CCDC141: variants seen among roughly 807,000 people sequenced by gnomAD.
CCDC141 encodes coiled-coil domain containing 141.
CCDC141 carries 168 observed loss-of-function variants against 181.0 expected under a neutral mutation model. The ratio of observed to expected loss-of-function variants is 0.93; its 90% CI spans 0.82 to 1.05. The LOEUF is 1.05. Ranked by LOEUF, CCDC141 falls within the 50% of genes least tolerant of loss-of-function variation. The pLI is 0.00. For synonymous variants in CCDC141, 666 were observed against 642.3 expected (o/e 1.04, Z -0.56); for missense variants, 1,902 against 1,788.5 (o/e 1.06, Z -1.14).
chr2:179,017,644 T>TA (rs902229708), intron 2 of CCDC141, among the ~76,000 whole-genome samples: 2 of 152,116 alleles, frequency 1.3e-5, no homozygotes, highest in African/African-American at 4.8e-5. Flanking sequence ...TTGCAAAGTA[T>TA]AAAAAAATCA....
intron 2 of CCDC141, among the ~76,000 whole-genome samples, chr2:178,981,667 T>TTAC (rs1559024752): frequency 2.0e-4 from 20 of 102,178 alleles, no homozygotes; most frequent in Middle Eastern, 5.4e-3. Context: ...TACATACATA[T>TTAC]ATACATATAT....
At chr2:178,902,810 T>C (rs1028072415) in intron 8 of CCDC141, among the ~76,000 whole-genome samples, 5 of 148,952 alleles carry the variant, frequency 3.4e-5, no homozygotes, top group African/African-American at 1.2e-4. Flanking sequence ...ACCATCAGAG[T>C]GAACAGGCAA....
At chr2:179,021,534 T>C (rs1448684324) in intron 2 of CCDC141, among the ~76,000 whole-genome samples, 2 of 152,188 alleles carry the variant, frequency 1.3e-5, no homozygotes, top group South Asian at 4.2e-4. Flanking sequence ...CCTCAGTGAA[T>C]TGAGAATTCT....
At chr2:178,952,703 C>G (rs1397891114) in intron 5 of CCDC141, among the ~76,000 whole-genome samples, 1 of 151,766 alleles carries the variant, frequency 6.6e-6, no homozygotes, top group Admixed American at 6.5e-5. Context: ...CTAGAGATAG[C>G]CTATATACCA....
intron 2 of CCDC141, among the ~76,000 whole-genome samples, chr2:178,994,539 G>A (rs1050704136): frequency 6.6e-6 from 1 of 152,188 alleles, no homozygotes; most frequent in African/African-American, 2.4e-5. Flanking sequence ...CCTGTGATGG[G>A]AGGGGCTGCT....
intron 6 of CCDC141, among the ~76,000 whole-genome samples, chr2:178,935,086 G>A (rs532482766): frequency 2.0e-5 from 3 of 152,134 alleles, no homozygotes; most frequent in South Asian, 2.1e-4. Flanking sequence ...TTTTGGAGTC[G>A]CTACTAAAAT....
chr2:179,015,551 CATATCTCATATATATCTCAT>C (rs2042479851), intron 2 of CCDC141, among the ~76,000 whole-genome samples: 1 of 32,380 alleles, frequency 3.1e-5, no homozygotes, highest in African/African-American at 8.2e-5. Flanking sequence ...ATATATATCT[CATATCTCATATATATCTCAT>C]ATATCTCATA....
chr2:178,963,377 A>G (rs1690488660), intron 4 of CCDC141, among the ~76,000 whole-genome samples: 1 of 152,146 alleles, frequency 6.6e-6, no homozygotes, highest in Non-Finnish European at 1.5e-5. Context: ...AAATGCTAGG[A>G]CAGTATCTCG....
intron 2 of CCDC141, among the ~76,000 whole-genome samples, chr2:179,044,378 A>G (rs767455820): frequency 6.6e-6 from 1 of 152,220 alleles, no homozygotes; most frequent in Non-Finnish European, 1.5e-5. Flanking sequence ...ATGATGCTGG[A>G]GGCATCACTC....
chr2:178,916,477 T>A (rs1688451953), intron 7 of CCDC141, among the ~76,000 whole-genome samples: 1 of 151,760 alleles, frequency 6.6e-6, no homozygotes. Context: ...TTGAGTAGAT[T>A]TACACGACAT....
intron 4 of CCDC141, among the ~76,000 whole-genome samples, chr2:178,968,454 C>G (rs1212650882): frequency 1.3e-5 from 2 of 152,134 alleles, no homozygotes; most frequent in African/African-American, 4.8e-5. Context: ...CGCACAACTA[C>G]ATGGAAACTG....
chr2:178,831,099 T>C lies in CCDC141; in HGVS notation c.*3074A>G, dbSNP rs1285738065. On this transcript the variant is annotated 3_prime_UTR_variant, in exon 24 of 24. Coordinates refer to ENST00000443758, the MANE Select transcript of CCDC141 (RefSeq NM_173648.4). ...TATGAGTGATAGAGGTTACCATTATTGATTAATATAGCTAAAAAATTTTCT... is the reference window on the plus strand; with the variant it reads ...TATGAGTGATAGAGGTTACCATTATCGATTAATATAGCTAAAAAATTTTCT... 1 of 152,162 alleles carries C rather than the reference T, an allele frequency of 6.6e-6. No homozygotes were observed. The highest frequency in any genetic ancestry group is 1.5e-5 in the Non-Finnish European group (1 of 68,032). The allele number at this position is 152,162 out of a possible 1,614,324, so 9.4% of individuals were successfully genotyped here.
chr2:178,828,097 C>A (rs528783923), downstream of CCDC141, among the ~76,000 whole-genome samples: 8 of 152,156 alleles, frequency 5.3e-5, no homozygotes, highest in South Asian at 1.7e-3. Context: ...TTTAAAGACA[C>A]CAGGAAATGG....
intron 10 of CCDC141, among the ~76,000 whole-genome samples, chr2:178,886,071 T>C (rs1028741937): frequency 7.2e-5 from 11 of 152,052 alleles, no homozygotes; most frequent in Admixed American, 6.6e-4. Flanking sequence ...AAAATGGGTG[T>C]GTTTGTGAGT....
At chr2:179,011,496 A>C (rs777198175) in intron 2 of CCDC141, among the ~76,000 whole-genome samples, 18 of 152,198 alleles carry the variant, frequency 1.2e-4, no homozygotes, top group Non-Finnish European at 2.2e-4. Flanking sequence ...GACCTAAAAA[A>C]TGTGACAGAC....
Position 179,022,762 on chromosome 2 carries a change from A to G in CCDC141, c.225+24522T>C, listed in dbSNP as rs138453464. On this transcript the variant is annotated intron_variant, in intron 2 of 23. Transcript: ENST00000443758. ...CATCATATATTTCTGGAGGCCAAGA[A>G]TGCCTTTTACATTTTGTGTGTGTGT... Among the ~76,000 whole-genome samples, 708 of 152,276 alleles carry G rather than the reference A, an allele frequency of 4.6e-3. 5 individuals carry two copies. Among genetic ancestry groups the G allele is most frequent in the African/African-American group, 0.016 (680 of 41,556 alleles).
the CCDC141 span, among the ~76,000 whole-genome samples, chr2:178,815,599 G>C: frequency 6.6e-6 from 1 of 152,096 alleles, no homozygotes; most frequent in Non-Finnish European, 1.5e-5. Context: ...TTGGCTCCAG[G>C]ACCCCCTAAC....
chr2:178,868,205 G>A lies in CCDC141; in HGVS notation c.2395C>T (p.Leu799=), dbSNP rs991207800. Residue 799 remains leucine, a splice_region_variant and synonymous_variant, in exon 16 of 24, where the codon CTG becomes TTG. Transcript: ENST00000443758. ...TCTCTTGATTTGATGAGACGTCCCA[G>A]CTACAATTTAGGGCATTAACAATTA... ...VVQFHQVKEE[L]GRLIKSRELE... is the part of the protein sequence containing the mutation. The A allele has an allele frequency of 1.9e-6, 3 of 1,604,706 alleles. No homozygotes were observed. Among genetic ancestry groups the A allele is most frequent in the Admixed American group, 3.3e-5 (2 of 59,890 alleles).
At chr2:178,917,370 T>C (rs1688498591) in intron 7 of CCDC141, among the ~76,000 whole-genome samples, 1 of 152,334 alleles carries the variant, frequency 6.6e-6, no homozygotes, top group South Asian at 2.1e-4. Context: ...AATAAATCTT[T>C]CTTTAACATT....
Sources: allele counts gnomAD v4.1 joint callset (sites outside exome capture counted in the v4.1 genomes callset), GRCh38; gene constraint gnomAD v4.1.1; transcripts MANE v1.5; gene names NCBI Gene and HGNC (gene_info 2026-07-23, HGNC 2026-07-21).